Variants in SLC44A4 observed in about 807,000 individuals in gnomAD.
The protein encoded by SLC44A4 is choline transporter-like protein 4.
Under a neutral mutation model 97.0 loss-of-function variants are expected in SLC44A4, and 74 were observed. The observed-to-expected ratio is 0.76, with a 90% CI of 0.63 to 0.93. The LOEUF is 0.93. SLC44A4 is among the 40% of genes least tolerant of loss of function. The pLI, the probability that SLC44A4 is intolerant of heterozygous loss-of-function variation, is 0.00. For missense variants in SLC44A4, 799 were observed against 902.9 expected (o/e 0.88, Z 1.48); for synonymous variants, 325 against 363.8 (o/e 0.89, Z 1.21).
In SLC44A4 at chr6:31,870,711, G is replaced by T. The variant is rs1408487559; in HGVS notation, c.938-9C>A. The T allele has an allele frequency of 1.9e-5, 31 of 1,611,432 alleles. No individual in the cohort carries two copies. The highest frequency in any genetic ancestry group is 2.6e-5 in the Non-Finnish European group (31 of 1,179,218). On this transcript the variant is annotated splice_polypyrimidine_tract_variant and intron_variant, in intron 10 of 20. Coordinates refer to ENST00000229729, the MANE Select transcript of SLC44A4 (RefSeq NM_025257.3). ...CACCGCCAACACGATCACTGCAGAG[G>T]ACGGGGCAGACAGACCTAGGTCAGG...
At position 31,863,327 on chromosome 6, in the gene SLC44A4, G is replaced by C. The variant is rs1762649462; in HGVS notation, c.*300C>G. On this transcript the variant is annotated 3_prime_UTR_variant, in exon 21 of 21. Transcript: ENST00000229729. ...TGCAACCTCTGCCTCCCGGGTTCAA[G>C]CGATTCTCCTGCCTCAGCCTCCCGA... 3.4e-6 allele frequency: 1 copy of C among 297,710 alleles called. No homozygotes were observed. The highest frequency in any genetic ancestry group is 2.2e-5 in the African/African-American group (1 of 44,876). The allele number at this position is 297,710 out of a possible 1,614,324, so 18.4% of individuals were successfully genotyped here. A position where few individuals can be genotyped will look rare whatever the true frequency, so the allele number is the denominator to read the frequency against.
rs1030088624 is a variant in SLC44A4 at position 31,865,759 on chromosome 6, C to T, written c.1513G>A (p.Gly505Arg). Residue 505 changes from glycine to arginine, a missense_variant, in exon 15 of 21, where the codon GGA becomes AGA. Gly to Arg is a moderately radical substitution (Grantham distance 125). Transcript: ENST00000229729. The surrounding 1 kb of genome is among the most constrained non-coding windows in gnomAD (Gnocchi z 5.2). Reference protein sequence around the residue: ...LRYHTGSLAFGALILTLVQIA... With the variant: ...LRYHTGSLAFRALILTLVQIA... ...TGCACAAGGGTCAGGATGAGGGCTCCAAATGCCAATGACCCAGTGTGGTAA... is the reference window on the plus strand; with the variant it reads ...TGCACAAGGGTCAGGATGAGGGCTCTAAATGCCAATGACCCAGTGTGGTAA... 1.5e-5 allele frequency: 24 copies of T among 1,613,688 alleles called. No homozygotes were observed. The highest frequency in any genetic ancestry group is 1.9e-5 in the Non-Finnish European group (22 of 1,179,952).
At chr6:31,864,355 C>A in intron 20 of SLC44A4, 1 of 513,678 alleles carries the variant, frequency 1.9e-6, no homozygotes, top group Non-Finnish European at 3.5e-6. Flanking sequence ...GCATGACAGG[C>A]GTGAGCCACC....
rs547537313 is a variant in SLC44A4 at position 31,871,218 on chromosome 6, C to T, written c.701+96G>A. 4 of 1,370,160 alleles carry T rather than the reference C, an allele frequency of 2.9e-6. No homozygotes were observed. The African/African-American group carries it at 5.7e-5, about 20-fold the overall frequency. 84.9% of individuals were successfully genotyped at this position (1,370,160 alleles called of 1,614,324 possible). ...ATTCGGAGCTCTGGCTCCTCCTCCT[C>T]TGTCCAAAGCCTGTGTTTCAGACAT... On this transcript the variant is annotated intron_variant, in intron 9 of 20. Coordinates refer to ENST00000229729, the MANE Select transcript of SLC44A4 (RefSeq NM_025257.3).
At chr6:31,867,824 CTTT>C (rs3997888) in intron 13 of SLC44A4, among the ~76,000 whole-genome samples, 1 of 137,588 alleles carries the variant, frequency 7.3e-6, no homozygotes. Context: ...GTAAATAAAC[CTTT>C]TTTTTTTTTT....
Position 31,878,885 on chromosome 6 carries a change from CA to C in SLC44A4, c.40+55del. On this transcript the variant is annotated intron_variant, in intron 1 of 20. Transcript: ENST00000229729. This position sits in a 1 kb window ranked among gnomAD's most constrained non-coding sequence, Gnocchi z 4.0. ...TGGAGCCAGCCCCAGACACCATTCC[CA>C]AAGTACCCGTCCTCCCCTCCCTCCA... The C allele has an allele frequency of 1.3e-6, 2 of 1,591,398 alleles. No individual in the cohort carries two copies. The highest frequency in any genetic ancestry group is 8.6e-7 in the Non-Finnish European group (1 of 1,159,486).
At chr6:31,871,661 G>A (rs549720407) in intron 7 of SLC44A4, 100 bp from the exon 8 acceptor site, 5 of 873,698 alleles carry the variant, frequency 5.7e-6, no homozygotes, top group South Asian at 2.8e-5. Flanking sequence ...GGAGGGAAGG[G>A]TGATGGGCCT....
chr6:31,865,580 C>T lies in SLC44A4; in HGVS notation c.1604G>A (p.Arg535His), dbSNP rs141954433. The T allele has an allele frequency of 1.3e-5, 21 of 1,599,616 alleles. No homozygotes were observed. In the East Asian group the frequency reaches 1.8e-4, roughly 14 times the overall value. Residue 535 changes from arginine (R) to histidine (H), a missense_variant, in exon 16 of 21, where the codon CGC becomes CAC. Physicochemically the swap from Arg to His is conservative, Grantham distance 29. Transcript: ENST00000229729. The surrounding 1 kb of genome is among the most constrained non-coding windows in gnomAD (Gnocchi z 5.2). ...KLRGVQNPVARCIMCCFKCCL... is the reference protein window; with the variant it reads ...KLRGVQNPVAHCIMCCFKCCL... ...GCACTTGAAACAGCACATGATGCAG[C>T]GGGCTACAGGGTTCTGCACTCCTGG... is the stretch of plus-strand genomic sequence containing the variant.
chr6:31,869,092 A>C, intron 13 of SLC44A4, 63 bp downstream of exon 13: 1 of 1,329,198 alleles, frequency 7.5e-7, no homozygotes, highest in South Asian at 1.4e-5. Flanking sequence ...ACAATGAGGA[A>C]TGTGGCCCCT....
In SLC44A4 at chr6:31,874,601, C is replaced by T. The variant is rs1763340591; in HGVS notation, c.469-81G>A. 1.3e-6 allele frequency: 2 copies of T among 1,572,914 alleles called. No individual in the cohort carries two copies. The highest frequency in any genetic ancestry group is 1.7e-6 in the Non-Finnish European group (2 of 1,158,310). ...GTCCCCTCACCACCACCATGGGGCT[C>T]AGCCTGTCCCACACTCCCCAGGAGA... On this transcript the variant is annotated intron_variant, in intron 6 of 20. Coordinates refer to ENST00000229729, the MANE Select transcript of SLC44A4 (RefSeq NM_025257.3). The surrounding 1 kb of genome is among the most constrained non-coding windows in gnomAD (Gnocchi z 4.8).
At chr6:31,872,418 T>A (rs867131643) in intron 7 of SLC44A4, among the ~76,000 whole-genome samples, 2 of 152,150 alleles carry the variant, frequency 1.3e-5, no homozygotes, top group African/African-American at 2.4e-5. Context: ...AAATTTTTTG[T>A]ACAGATGGGG....
At position 31,863,505 on chromosome 6, in the gene SLC44A4, G is replaced by C; in HGVS notation, c.*122C>G. On this transcript the variant is annotated 3_prime_UTR_variant, in exon 21 of 21. Coordinates refer to ENST00000229729, the MANE Select transcript of SLC44A4 (RefSeq NM_025257.3). The stretch of plus-strand genomic sequence containing the variant: ...CCTCTCAAAGTGTTGGATTACAGGC[G>C]TGAGCCACGGCGCCTGGCCTAAAAC... 1 of 1,376,502 alleles carries C rather than the reference G, an allele frequency of 7.3e-7. No homozygotes were observed. The highest frequency in any genetic ancestry group is 1.6e-5 in the South Asian group (1 of 62,418). 85.3% of individuals were successfully genotyped at this position (1,376,502 alleles called of 1,614,324 possible).
At chr6:31,869,301 A>G in intron 12 of SLC44A4, 44 bp from the exon 13 acceptor site, 1 of 1,461,296 alleles carries the variant, frequency 6.8e-7, no homozygotes. Context: ...AGGTCTCCAC[A>G]GGTCACTCGC....
intron 7 of SLC44A4, among the ~76,000 whole-genome samples, chr6:31,872,495 C>G (rs1313129922): frequency 6.6e-6 from 1 of 152,134 alleles, no homozygotes; most frequent in Non-Finnish European, 1.5e-5. Context: ...CTCAGCCCCC[C>G]AAAGTGTTGG....
Position 31,877,462 on chromosome 6 carries a change from T to A in SLC44A4, c.41-380A>T, listed in dbSNP as rs1581858700. ...AGTGGCTCTCACTCCCTCATTCTCA[T>A]CCCTGCCTCCTCCCTAATCCCTCCC... is the stretch of plus-strand genomic sequence containing the variant. On this transcript the variant is annotated intron_variant, in intron 1 of 20. Coordinates refer to ENST00000229729, the MANE Select transcript of SLC44A4 (RefSeq NM_025257.3). This position sits in a 1 kb window ranked among gnomAD's most constrained non-coding sequence, Gnocchi z 6.5. 3 of 395,234 alleles carry A rather than the reference T, an allele frequency of 7.6e-6. No homozygotes were observed. The East Asian group carries it at 2.3e-4, about 31-fold the overall frequency. 24.5% of individuals were successfully genotyped at this position (395,234 alleles called of 1,614,324 possible).
At position 31,866,008 on chromosome 6, in the gene SLC44A4, A is replaced by C. The variant is rs1358270834; in HGVS notation, c.1352T>G (p.Phe451Cys). ...NLQIYGVLGL[F>C]WTLNWVLALG... ...GGCCAGTACCCAGTTAAGGGTCCAG[A>C]AGAGCCCCAGGACCCCATAGATTTG... The change falls in exon 14 of 21, where the codon TTC becomes TGC. Residue 451 changes from phenylalanine to cysteine, a missense_variant. Phe to Cys is a radical substitution (Grantham distance 205). This residue lies in a region of SLC44A4 where 379 missense variants were observed against 438.3 expected (regional missense o/e 0.86). Coordinates refer to ENST00000229729, the MANE Select transcript of SLC44A4 (RefSeq NM_025257.3). The C allele has an allele frequency of 6.2e-7, 1 of 1,614,086 alleles. No homozygotes were observed.
chr6:31,878,918 C>T lies in SLC44A4; in HGVS notation c.40+23G>A. 1 of 1,613,692 alleles carries T rather than the reference C, an allele frequency of 6.2e-7. No individual in the cohort carries two copies. Among genetic ancestry groups the T allele is most frequent in the Non-Finnish European group, 8.5e-7 (1 of 1,179,682 alleles). The stretch of plus-strand genomic sequence containing the variant: ...CCGTCCTCCCCTCCCTCCACAGGGT[C>T]CCGGGCCTCGCCCCAGTCTCACCGT... On this transcript the variant is annotated intron_variant, in intron 1 of 20. Coordinates refer to ENST00000229729, the MANE Select transcript of SLC44A4 (RefSeq NM_025257.3). This position sits in a 1 kb window ranked among gnomAD's most constrained non-coding sequence, Gnocchi z 4.0.
At chr6:31,873,204 T>C (rs1763269732) in intron 7 of SLC44A4, among the ~76,000 whole-genome samples, 1 of 151,938 alleles carries the variant, frequency 6.6e-6, no homozygotes, top group Non-Finnish European at 1.5e-5. Context: ...GGAGTCTCGC[T>C]CTGTCAGCAA....
At chr6:31,867,910 C>T (rs753854840) in intron 13 of SLC44A4, among the ~76,000 whole-genome samples, 3 of 151,852 alleles carry the variant, frequency 2.0e-5, no homozygotes, top group South Asian at 2.1e-4. Context: ...CTCCGCCTCC[C>T]GAGTTCAAGC....
Sources: allele counts gnomAD v4.1 joint callset (sites outside exome capture counted in the v4.1 genomes callset), GRCh38; gene constraint gnomAD v4.1.1; regional missense constraint gnomAD v4.1.1; non-coding constraint Gnocchi (gnomAD v3.1); transcripts MANE v1.5; gene names NCBI Gene and HGNC (gene_info 2026-07-23, HGNC 2026-07-21).